FAM184B: variants seen among roughly 807,000 people sequenced by gnomAD.
The protein encoded by FAM184B is family with sequence similarity 184 member B, also known as protein FAM184B.
In FAM184B, 111 loss-of-function variants were observed where a neutral mutation model predicts 135.9. The observed-to-expected ratio is 0.82, with a 90% CI of 0.70 to 0.96. The LOEUF (loss-of-function observed/expected upper bound fraction) is 0.96, where lower values mean the gene tolerates loss of function less well. Ranked by LOEUF, FAM184B falls within the 40% of genes least tolerant of loss-of-function variation. The pLI, the probability that FAM184B is intolerant of heterozygous loss-of-function variation, is 0.00. For missense variants in FAM184B, 1,375 were observed against 1,323.9 expected (o/e 1.04, Z -0.60); for synonymous variants, 552 against 524.8 (o/e 1.05, Z -0.71).
chr4:17,674,745 G>T (rs1336983374), intron 7 of FAM184B, among the ~76,000 whole-genome samples: 1 of 152,154 alleles, frequency 6.6e-6, no homozygotes, highest in Non-Finnish European at 1.5e-5. Context: ...TTTTAACAAT[G>T]CTCACAGAAG....
chr4:17,769,302 G>A (rs1338189207), intron 1 of FAM184B, among the ~76,000 whole-genome samples: 1 of 152,070 alleles, frequency 6.6e-6, no homozygotes, highest in East Asian at 1.9e-4. Context: ...TCATCTAGTA[G>A]GGTTTGCATA....
Position 17,633,763 on chromosome 4 carries a change from G to T in FAM184B, c.3015C>A (p.Pro1005=), listed in dbSNP as rs1375098124. 2 of 1,551,266 alleles carry T rather than the reference G, an allele frequency of 1.3e-6. No individual in the cohort carries two copies. The change falls in exon 17 of 18, where the codon CCC becomes CCA. Residue 1005 remains proline (P), a synonymous_variant. Coordinates refer to ENST00000265018, the MANE Select transcript of FAM184B (RefSeq NM_015688.2). The part of the protein sequence containing the change: ...RINAPPITTS[P]SLDPSPSCGR... ...CACAGCTGGGGCTTGGGTCCAAGCT[G>T]GGTGATGTAGTTATTGGAGGGGCAT...
At chr4:17,642,364 G>A in intron 12 of FAM184B, 136 bp from the exon 13 acceptor site, 1 of 1,364,676 alleles carries the variant, frequency 7.3e-7, no homozygotes, top group Non-Finnish European at 9.4e-7. Flanking sequence ...AGGCTCCTGA[G>A]TTCCCTGCAG....
chr4:17,663,584 A>G (rs1019699768), intron 8 of FAM184B, among the ~76,000 whole-genome samples: 2 of 148,466 alleles, frequency 1.3e-5, no homozygotes, highest in African/African-American at 5.0e-5. Flanking sequence ...ATTCAAGCTG[A>G]GAGCCAAATC....
chr4:17,704,858 G>C, intron 5 of FAM184B, 142 bp downstream of exon 5: 1 of 712,746 alleles, frequency 1.4e-6, no homozygotes, highest in Non-Finnish European at 2.3e-6. Context: ...TCATCTGTGT[G>C]TATTCAGAGA....
chr4:17,749,858 C>T (rs1017440452), intron 1 of FAM184B, among the ~76,000 whole-genome samples: 4 of 152,100 alleles, frequency 2.6e-5, no homozygotes, highest in Admixed American at 6.6e-5. Context: ...TAGTTAAGAT[C>T]GTGGTAAGTA....
chr4:17,715,653 C>CA (rs1397077963), intron 1 of FAM184B, among the ~76,000 whole-genome samples: 5 of 152,158 alleles, frequency 3.3e-5, no homozygotes, highest in East Asian at 1.9e-4. Flanking sequence ...GTTCTCACCA[C>CA]AAAAAATGAT....
chr4:17,732,919 T>C (rs999565700), intron 1 of FAM184B, among the ~76,000 whole-genome samples: 9 of 151,626 alleles, frequency 5.9e-5, no homozygotes, highest in African/African-American at 1.7e-4. Flanking sequence ...TTGATGAACA[T>C]TGATGCAAGA....
intron 16 of FAM184B, among the ~76,000 whole-genome samples, chr4:17,634,282 T>A (rs1213713534): frequency 1.3e-5 from 2 of 152,192 alleles, no homozygotes; most frequent in Non-Finnish European, 2.9e-5. Context: ...GAGATGACAT[T>A]AGTTAAGTCA....
chr4:17,641,872 C>A (rs896430966), intron 13 of FAM184B, among the ~76,000 whole-genome samples, 184 bp downstream of exon 13: 2 of 151,950 alleles, frequency 1.3e-5, no homozygotes, highest in African/African-American at 2.4e-5. Context: ...TGGGACTTTT[C>A]ATGGGTCAGA....
At chr4:17,711,496 A>G (rs1290976361) in intron 1 of FAM184B, among the ~76,000 whole-genome samples, 1 of 151,522 alleles carries the variant, frequency 6.6e-6, no homozygotes, top group Non-Finnish European at 1.5e-5. Flanking sequence ...TAAAACAAAA[A>G]CAAAAACAAA....
At chr4:17,707,883 G>A in intron 2 of FAM184B, 99 bp from the exon 3 acceptor site, 1 of 1,370,880 alleles carries the variant, frequency 7.3e-7, no homozygotes, top group Non-Finnish European at 9.9e-7. Flanking sequence ...GCGGGTATAT[G>A]CACAGCAGAA....
chr4:17,649,965 A>T (rs1311968741), intron 11 of FAM184B, among the ~76,000 whole-genome samples: 1 of 151,350 alleles, frequency 6.6e-6, no homozygotes, highest in Non-Finnish European at 1.5e-5. Flanking sequence ...TCATCCACCC[A>T]TCCGTGTGTC....
intron 1 of FAM184B, among the ~76,000 whole-genome samples, chr4:17,766,260 G>A (rs970346648): frequency 4.6e-5 from 7 of 152,206 alleles, no homozygotes; most frequent in Non-Finnish European, 7.3e-5. Flanking sequence ...CGTTTTGACA[G>A]GGTGCTGATT....
rs184913732 is a variant in FAM184B at position 17,703,068 on chromosome 4, A to G, written c.1377+1932T>C. On this transcript the variant is annotated intron_variant, in intron 5 of 17. Transcript: ENST00000265018. The stretch of plus-strand genomic sequence containing the variant: ...ACATCTTTGAGCTTCAGCTTCCTCA[A>G]CTCTAAATGGGGATATGAACATTTT... Among the ~76,000 whole-genome samples the G allele has an allele frequency of 8.3e-4, 126 of 152,282 alleles. 1 individual carries two copies. Among genetic ancestry groups the G allele is most frequent in the African/African-American group, 2.8e-3 (118 of 41,538 alleles).
At chr4:17,708,640 G>A (rs1473601692) in intron 2 of FAM184B, among the ~76,000 whole-genome samples, 11 of 95,144 alleles carry the variant, frequency 1.2e-4, no homozygotes, top group Non-Finnish European at 2.0e-4. Context: ...GTGAGGCTCC[G>A]TCTCAAAAAT....
At chr4:17,659,509 CAG>C (rs1174475978) in intron 9 of FAM184B, among the ~76,000 whole-genome samples, 2 of 151,902 alleles carry the variant, frequency 1.3e-5, no homozygotes, top group African/African-American at 4.8e-5. Context: ...CTTTTTGAGA[CAG>C]AGTCTTGCTC....
chr4:17,687,627 T>C (rs1364139215), intron 7 of FAM184B, among the ~76,000 whole-genome samples: 1 of 152,110 alleles, frequency 6.6e-6, no homozygotes, highest in Non-Finnish European at 1.5e-5. Flanking sequence ...CTGGTGTCTT[T>C]ATAAGAAGGC....
intron 1 of FAM184B, among the ~76,000 whole-genome samples, chr4:17,753,364 AT>A (rs1718343763): frequency 1.3e-5 from 2 of 152,226 alleles, no homozygotes; most frequent in African/African-American, 4.8e-5. Context: ...ACCAAATTTT[AT>A]TAAAACAAGG....
Sources: allele counts gnomAD v4.1 joint callset (sites outside exome capture counted in the v4.1 genomes callset), GRCh38; gene constraint gnomAD v4.1.1; transcripts MANE v1.5; gene names NCBI Gene and HGNC (gene_info 2026-07-23, HGNC 2026-07-21).